The following MBTPS1 variants were observed in gnomAD, a reference collection of about 807,000 sequenced individuals.
MBTPS1 encodes the protein membrane-bound transcription factor site-1 protease.
Under a neutral mutation model 127.8 loss-of-function variants are expected in MBTPS1, and 94 were observed. The observed-to-expected ratio is 0.74, with a 90% CI of 0.62 to 0.87. MBTPS1 has a LOEUF of 0.87. MBTPS1 is among the 40% of genes least tolerant of loss of function. The pLI is 0.00. For synonymous variants in MBTPS1, 632 were observed against 509.4 expected, an observed-to-expected ratio of 1.24 and a Z score of -3.24; for missense variants, 1,636 against 1,353.2, an observed-to-expected ratio of 1.21 and a Z score of -3.28.
rs558530235 is a variant in MBTPS1 at position 84,066,962 on chromosome 16, T to A, written c.2229-349A>T. 7.2e-5 allele frequency among the ~76,000 whole-genome samples: 11 copies of A among 152,150 alleles called. 1 individual carries two copies. The South Asian group carries it at 2.3e-3, about 32-fold the overall frequency. On this transcript the variant is annotated intron_variant, in intron 16 of 22. Coordinates refer to ENST00000343411, the MANE Select transcript of MBTPS1 (RefSeq NM_003791.4). Reference sequence around the variant, plus strand: ...CAGTCACAGATTCTAAAGAAACCGATTCAAAACATAAAGGTGATTATGTTT... The same window carrying A: ...CAGTCACAGATTCTAAAGAAACCGAATCAAAACATAAAGGTGATTATGTTT...
Position 84,093,756 on chromosome 16 carries a change from C to T in MBTPS1, c.691G>A (p.Val231Met), listed in dbSNP as rs1373162388. The T allele has an allele frequency of 6.2e-7, 1 of 1,614,176 alleles. No homozygotes were observed. The highest frequency in any genetic ancestry group is 2.2e-5 in the East Asian group (1 of 44,882). The change falls in exon 5 of 23, where the codon GTG becomes ATG. Residue 231 changes from valine to methionine, a missense_variant. Transcript: ENST00000343411. ...TTGGTCCAGTTGGTTCTCTCCTTCA[C>T]ATTTTTGAAGTGGGGATGCTTCTCG... is the stretch of plus-strand genomic sequence containing the variant. ...LSEKHPHFKN[V>M]KERTNWTNER...
chr16:84,098,544 T>C (rs373001286), intron 3 of MBTPS1, among the ~76,000 whole-genome samples: 89 of 151,158 alleles, frequency 5.9e-4, no homozygotes, highest in African/African-American at 2.0e-3. Flanking sequence ...TGGGTGGAGG[T>C]TGAGGTGAGC....
At chr16:84,065,238 C>T (rs943948816) in intron 18 of MBTPS1, among the ~76,000 whole-genome samples, 40 of 152,006 alleles carry the variant, frequency 2.6e-4, no homozygotes, top group African/African-American at 9.4e-4. Context: ...CTGCCTCAGC[C>T]TCCTGAGTAG....
chr16:84,073,032 G>C (rs2085795727), intron 12 of MBTPS1, among the ~76,000 whole-genome samples: 1 of 152,142 alleles, frequency 6.6e-6, no homozygotes, highest in African/African-American at 2.4e-5. Flanking sequence ...GTTTATAATT[G>C]AAAACTACCT....
chr16:84,091,495 A>AC (rs2086106379), intron 7 of MBTPS1, among the ~76,000 whole-genome samples: 1 of 151,684 alleles, frequency 6.6e-6, no homozygotes, highest in South Asian at 2.1e-4. Flanking sequence ...TCAAAAAAAA[A>AC]AAAAAAAAAA....
chr16:84,069,102 G>A (rs1485431937), intron 14 of MBTPS1, among the ~76,000 whole-genome samples: 1 of 152,222 alleles, frequency 6.6e-6, no homozygotes, highest in East Asian at 1.9e-4. Context: ...CTGGCTGCCA[G>A]AGACATCTTA....
chr16:84,069,561 G>C (rs981515599), intron 14 of MBTPS1, among the ~76,000 whole-genome samples: 2 of 152,224 alleles, frequency 1.3e-5, no homozygotes, highest in Non-Finnish European at 2.9e-5. Flanking sequence ...GCAGGGAGAA[G>C]GCCAGAGATG....
chr16:84,081,431 C>T lies in MBTPS1; in HGVS notation c.1448+316G>A, dbSNP rs759616556. The T allele has an allele frequency of 5.8e-4, 103 of 177,216 alleles. 1 individual carries two copies. Among genetic ancestry groups the T allele is most frequent in the Non-Finnish European group, 2.0e-4 (17 of 85,026 alleles). The allele number at this position is 177,216 out of a possible 1,614,324, so 11.0% of individuals were successfully genotyped here. A position where few individuals can be genotyped will look rare whatever the true frequency, so the allele number is the denominator to read the frequency against. On this transcript the variant is annotated intron_variant, in intron 11 of 22. Coordinates refer to ENST00000343411, the MANE Select transcript of MBTPS1 (RefSeq NM_003791.4). Reference sequence around the variant, plus strand: ...CTGGGCAACCTTGTAGGACAACTCTCTCCTATTTCTGCAAAATTTCTGTAA... The same window carrying T: ...CTGGGCAACCTTGTAGGACAACTCTTTCCTATTTCTGCAAAATTTCTGTAA...
intron 3 of MBTPS1, among the ~76,000 whole-genome samples, chr16:84,096,684 C>T (rs574950219): frequency 6.6e-6 from 1 of 152,340 alleles, no homozygotes; most frequent in South Asian, 2.1e-4. Context: ...TACCAACCTA[C>T]ACCCATGTTA....
intron 1 of MBTPS1, among the ~76,000 whole-genome samples, chr16:84,110,554 A>C (rs1489063868): frequency 6.6e-6 from 1 of 152,238 alleles, no homozygotes; most frequent in East Asian, 1.9e-4. Context: ...TTTTCGTCTA[A>C]CAAATCCAAA....
Position 84,066,632 on chromosome 16 carries a change from A to C in MBTPS1, c.2229-19T>G. 6.2e-7 allele frequency: 1 copy of C among 1,613,316 alleles called. No homozygotes were observed. The highest frequency in any genetic ancestry group is 8.5e-7 in the Non-Finnish European group (1 of 1,179,590). ...CCACTGCCTGGGAAAGTGGTAACAG[A>C]CACACAGGGAACAGGGAATGAAGAC... On this transcript the variant is annotated intron_variant, in intron 16 of 22. Transcript: ENST00000343411.
chr16:84,093,920 G>A (rs2151164167), intron 4 of MBTPS1, 99 bp from the exon 5 acceptor site: 14 of 885,990 alleles, frequency 1.6e-5, no homozygotes, highest in Non-Finnish European at 2.2e-5. Context: ...CACAGAAAAT[G>A]ACATATTGTG....
intron 16 of MBTPS1, among the ~76,000 whole-genome samples, 175 bp from the exon 17 acceptor site, chr16:84,066,788 C>T (rs964195236): frequency 6.6e-6 from 1 of 152,178 alleles, no homozygotes; most frequent in Non-Finnish European, 1.5e-5. Context: ...TTAAGTGCTT[C>T]GGCTGATGTG....
intron 22 of MBTPS1, 145 bp downstream of exon 22, chr16:84,055,860 A>T: frequency 2.4e-6 from 2 of 836,980 alleles, no homozygotes; most frequent in Non-Finnish European, 3.7e-6. Flanking sequence ...TTTGTGCCAC[A>T]AAAGAAGCCA....
intron 1 of MBTPS1, among the ~76,000 whole-genome samples, chr16:84,106,881 T>A (rs1365056288): frequency 2.0e-5 from 3 of 152,154 alleles, no homozygotes; most frequent in African/African-American, 7.2e-5. Flanking sequence ...AGATGGGCTG[T>A]CCACCAGATG....
intron 18 of MBTPS1, 130 bp from the exon 19 acceptor site, chr16:84,063,575 AT>A (rs2085644000): frequency 2.4e-6 from 2 of 849,586 alleles, no homozygotes; most frequent in Non-Finnish European, 3.6e-6. Flanking sequence ...AACATTGCAA[AT>A]TTTTAGAATA....
At chr16:84,066,392 G>C in intron 17 of MBTPS1, 97 bp downstream of exon 17, 1 of 1,295,610 alleles carries the variant, frequency 7.7e-7, no homozygotes, top group Non-Finnish European at 1.1e-6. Context: ...AGCTAACTGA[G>C]GGATCACCAT....
chr16:84,109,897 T>C (rs2086375928), intron 1 of MBTPS1, among the ~76,000 whole-genome samples: 3 of 152,204 alleles, frequency 2.0e-5, no homozygotes. Flanking sequence ...GGTCCTTGCT[T>C]GGAAAATACA....
chr16:84,062,365 C>A (rs1286658085), intron 19 of MBTPS1, among the ~76,000 whole-genome samples: 3 of 152,212 alleles, frequency 2.0e-5, no homozygotes, highest in African/African-American at 7.2e-5. Flanking sequence ...GTGACCCACT[C>A]ACCTCGGCCT....
Sources: gnomAD v4.1 joint callset for allele counts (sites outside exome capture counted in the v4.1 genomes callset) on GRCh38, gnomAD v4.1.1 for gene constraint, MANE v1.5 for transcripts, NCBI Gene and HGNC (gene_info 2026-07-23, HGNC 2026-07-21) for gene names.